Variants in HOMER1 observed in about 807,000 individuals in gnomAD.
HOMER1 encodes the protein homer scaffold protein 1.
HOMER1 carries 3 observed loss-of-function variants against 48.9 expected under a neutral mutation model. The ratio of observed to expected loss-of-function variants is 0.06; its 90% CI spans 0.03 to 0.16. HOMER1 has a LOEUF of 0.16. Ranked by LOEUF, HOMER1 falls within the 10% of genes least tolerant of loss-of-function variation. HOMER1 has a pLI of 1.00. For synonymous variants in HOMER1, 134 were observed against 146.4 expected (o/e 0.92, Z 0.61); for missense variants, 247 against 411.4 (o/e 0.60, Z 3.46).
intron 1 of HOMER1, among the ~76,000 whole-genome samples, chr5:79,478,680 A>G (rs1443778904): frequency 6.6e-6 from 1 of 151,912 alleles, no homozygotes; most frequent in Non-Finnish European, 1.5e-5. Flanking sequence ...GGCCAGGCGC[A>G]ATGGCTCATG....
chr5:79,436,104 G>A (rs1490337537), intron 5 of HOMER1, among the ~76,000 whole-genome samples: 55 of 147,572 alleles, frequency 3.7e-4, no homozygotes, highest in South Asian at 4.3e-4. Flanking sequence ...CCGCAGTCCG[G>A]CCTGGGCGAC....
intron 1 of HOMER1, chr5:79,510,556 G>A: frequency 2.6e-6 from 2 of 756,496 alleles, no homozygotes; most frequent in South Asian, 2.7e-5. Flanking sequence ...AGTTCCTGAG[G>A]AACATGCAGT....
intron 5 of HOMER1, among the ~76,000 whole-genome samples, chr5:79,415,390 T>C (rs1749916543): frequency 6.6e-6 from 1 of 152,054 alleles, no homozygotes; most frequent in African/African-American, 2.4e-5. Context: ...ATGTTACTGA[T>C]AGCACAAAAA....
At chr5:79,377,265 C>T (rs780937870) in intron 8 of HOMER1, among the ~76,000 whole-genome samples, 72 of 152,208 alleles carry the variant, frequency 4.7e-4, no homozygotes, top group South Asian at 1.2e-3. Flanking sequence ...CCCGCCTGGC[C>T]TATTACTGCT....
At chr5:79,448,071 C>T (rs767737144) in intron 3 of HOMER1, among the ~76,000 whole-genome samples, 3 of 152,122 alleles carry the variant, frequency 2.0e-5, no homozygotes, top group Non-Finnish European at 2.9e-5. Flanking sequence ...CTAATCCTGG[C>T]GAGATGGAGG....
chr5:79,464,762 T>C (rs898453779), intron 1 of HOMER1, among the ~76,000 whole-genome samples: 1 of 152,212 alleles, frequency 6.6e-6, no homozygotes, highest in Non-Finnish European at 1.5e-5. Flanking sequence ...TACTACCAAC[T>C]GTATGTCCCT....
At chr5:79,446,255 T>G (rs374660062) in intron 4 of HOMER1, among the ~76,000 whole-genome samples, 2 of 152,246 alleles carry the variant, frequency 1.3e-5, no homozygotes, top group East Asian at 1.9e-4. Flanking sequence ...CCCCTACAGT[T>G]TAGAGCCCCC....
chr5:79,490,647 G>A (rs966187161), intron 1 of HOMER1, among the ~76,000 whole-genome samples: 16 of 151,786 alleles, frequency 1.1e-4, no homozygotes, highest in Non-Finnish European at 2.1e-4. Flanking sequence ...AAATAGACAA[G>A]CTTGTTGAGC....
chr5:79,416,830 C>T (rs1297325898), intron 5 of HOMER1, among the ~76,000 whole-genome samples: 2 of 152,194 alleles, frequency 1.3e-5, no homozygotes, highest in Non-Finnish European at 2.9e-5. Flanking sequence ...AAATTTTAAG[C>T]AGCTTATCCT....
intron 1 of HOMER1, among the ~76,000 whole-genome samples, chr5:79,499,780 C>T (rs1005744095): frequency 6.6e-6 from 1 of 152,180 alleles, no homozygotes; most frequent in Non-Finnish European, 1.5e-5. Flanking sequence ...ACATACTGTT[C>T]TACTGTAATA....
chr5:79,413,337 C>T (rs1749855577), intron 5 of HOMER1, among the ~76,000 whole-genome samples: 1 of 152,196 alleles, frequency 6.6e-6, no homozygotes, highest in African/African-American at 2.4e-5. Context: ...TCCTGTATCA[C>T]ATGTATTAGT....
intron 1 of HOMER1, among the ~76,000 whole-genome samples, chr5:79,481,806 A>G (rs946072680): frequency 1.3e-4 from 20 of 152,254 alleles, no homozygotes; most frequent in African/African-American, 4.1e-4. Context: ...AGCTAAAATT[A>G]GCTGTACAGT....
intron 1 of HOMER1, among the ~76,000 whole-genome samples, chr5:79,472,139 C>T (rs1751637998): frequency 6.6e-6 from 1 of 152,110 alleles, no homozygotes; most frequent in Admixed American, 6.5e-5. Flanking sequence ...TTGCTGTATC[C>T]TCAGCATCTC....
intron 8 of HOMER1, among the ~76,000 whole-genome samples, chr5:79,388,798 T>C (rs989524653): frequency 6.6e-6 from 1 of 151,842 alleles, no homozygotes; most frequent in African/African-American, 2.4e-5. Context: ...TCCTAGAGAA[T>C]GAAAGTGAGA....
intron 1 of HOMER1, among the ~76,000 whole-genome samples, chr5:79,465,036 T>C (rs928202030): frequency 6.6e-6 from 1 of 152,184 alleles, no homozygotes; most frequent in African/African-American, 2.4e-5. Context: ...AAGGATTTTT[T>C]TTTTTAATTG....
chr5:79,430,179 G>C (rs1052756606), intron 5 of HOMER1, among the ~76,000 whole-genome samples: 1 of 152,068 alleles, frequency 6.6e-6, no homozygotes, highest in Non-Finnish European at 1.5e-5. Context: ...CAACAACAAA[G>C]AGACAAACAG....
chr5:79,402,579 G>C (rs1749559186), intron 5 of HOMER1, among the ~76,000 whole-genome samples: 1 of 152,108 alleles, frequency 6.6e-6, no homozygotes, highest in South Asian at 2.1e-4. Flanking sequence ...AAGTACTCAA[G>C]TACCAGGCTT....
At chr5:79,454,981 T>TC (rs1751129951) in intron 2 of HOMER1, among the ~76,000 whole-genome samples, 1 of 152,294 alleles carries the variant, frequency 6.6e-6, no homozygotes, top group East Asian at 1.9e-4. Flanking sequence ...AGTTTTTTTT[T>TC]CCCCTTAAGA....
intron 8 of HOMER1, among the ~76,000 whole-genome samples, chr5:79,378,222 C>CAAAAAAAAAAAAA (rs58802660): frequency 8.2e-5 from 7 of 85,578 alleles, no homozygotes; most frequent in African/African-American, 2.7e-4. Flanking sequence ...GACTCTGTCT[C>CAAAAAAAAAAAAA]AAAAAAAAAA....
Sources: allele counts gnomAD v4.1 joint callset (sites outside exome capture counted in the v4.1 genomes callset), GRCh38; gene constraint gnomAD v4.1.1; transcripts MANE v1.5; gene names NCBI Gene and HGNC (gene_info 2026-07-23, HGNC 2026-07-21).